Variants in ZRANB3 observed in about 807,000 individuals in gnomAD.
ZRANB3 encodes DNA annealing helicase and endonuclease ZRANB3.
Under a neutral mutation model 133.8 loss-of-function variants are expected in ZRANB3, and 125 were observed. The ratio of observed to expected loss-of-function variants is 0.93; its 90% CI spans 0.81 to 1.08. ZRANB3 has a LOEUF of 1.08. Among genes scored for constraint, ZRANB3 ranks in the 50% least tolerant of loss-of-function variants. The pLI is 0.00. For synonymous variants in ZRANB3, 387 were observed against 432.7 expected (o/e 0.89, Z 1.31); for missense variants, 1,229 against 1,275.5 (o/e 0.96, Z 0.56).
intron 3 of ZRANB3, among the ~76,000 whole-genome samples, chr2:135,382,783 C>A (rs1185405808): frequency 6.6e-6 from 1 of 152,054 alleles, no homozygotes; most frequent in Non-Finnish European, 1.5e-5. Flanking sequence ...TACAGACAAG[C>A]AAATGCTGAG....
chr2:135,258,425 G>T (rs189550100), intron 12 of ZRANB3, among the ~76,000 whole-genome samples: 34 of 152,262 alleles, frequency 2.2e-4, no homozygotes, highest in Non-Finnish European at 4.6e-4. Flanking sequence ...GTTCCTGGGT[G>T]GTAAAAGGGG....
At chr2:135,278,236 GA>G (rs1405659336) in intron 8 of ZRANB3, among the ~76,000 whole-genome samples, 1 of 152,076 alleles carries the variant, frequency 6.6e-6, no homozygotes, top group Admixed American at 6.5e-5. Flanking sequence ...GAAAAGCGAA[GA>G]AAAGATTTCA....
At chr2:135,414,097 A>C (rs1297732854) in intron 2 of ZRANB3, among the ~76,000 whole-genome samples, 1 of 152,160 alleles carries the variant, frequency 6.6e-6, no homozygotes, top group East Asian at 1.9e-4. Flanking sequence ...AAATTCACAC[A>C]TAACAATATT....
At chr2:135,250,765 A>G (rs72982318) in intron 12 of ZRANB3, among the ~76,000 whole-genome samples, 6,775 of 152,256 alleles carry the variant, frequency 0.044, 509 homozygotes, top group African/African-American at 0.16. Flanking sequence ...ATTTCAGGAG[A>G]TGTATGGAAA....
At chr2:135,442,731 A>G (rs1322557407) in intron 2 of ZRANB3, among the ~76,000 whole-genome samples, 3 of 152,212 alleles carry the variant, frequency 2.0e-5, no homozygotes, top group Non-Finnish European at 2.9e-5. Context: ...CTACTACTAT[A>G]AAGACACACG....
In ZRANB3 at chr2:135,219,110, T is replaced by C; in HGVS notation, c.2319A>G (p.Pro773=). 2 of 1,530,606 alleles carry C rather than the reference T, an allele frequency of 1.3e-6. No individual in the cohort carries two copies. The highest frequency in any genetic ancestry group is 1.7e-6 in the Non-Finnish European group (2 of 1,144,170). The allele number at this position is 1,530,606 out of a possible 1,614,324, so 94.8% of individuals were successfully genotyped here. Residue 773 remains proline (P), a synonymous_variant, in exon 16 of 21, where the codon CCA becomes CCG. Transcript: ENST00000264159. ...GATATTGTTTCAGCTGAAAGCTTGC[T>C]GGTAAATCTTCCCAAAGGTCTAATT... is the stretch of plus-strand genomic sequence containing the variant. ...DIKLDLWEDL[P]ASFQLKQYRS... is the part of the protein sequence containing the mutation.
At chr2:135,461,437 G>A (rs1690758878) in intron 2 of ZRANB3, among the ~76,000 whole-genome samples, 1 of 152,158 alleles carries the variant, frequency 6.6e-6, no homozygotes, top group African/African-American at 2.4e-5. Flanking sequence ...CGGTCTTGGC[G>A]ATGCATGCCT....
At chr2:135,383,370 G>C (rs1686813905) in intron 3 of ZRANB3, among the ~76,000 whole-genome samples, 1 of 152,092 alleles carries the variant, frequency 6.6e-6, no homozygotes, top group Non-Finnish European at 1.5e-5. Flanking sequence ...TGTAAAATGA[G>C]ACTTAGACTC....
At chr2:135,388,501 G>T (rs2104922644) in intron 3 of ZRANB3, among the ~76,000 whole-genome samples, 1 of 152,286 alleles carries the variant, frequency 6.6e-6, no homozygotes, top group Admixed American at 6.5e-5. Flanking sequence ...CTTACTTGTG[G>T]AAATCATAAA....
intron 1 of ZRANB3, chr2:135,530,645 T>A (rs1269859783): frequency 6.6e-6 from 1 of 152,158 alleles, no homozygotes; most frequent in Non-Finnish European, 1.5e-5. Context: ...TACGTACTAA[T>A]AATTTAAAAC....
chr2:135,518,777 T>C (rs935462065), intron 1 of ZRANB3, among the ~76,000 whole-genome samples: 2 of 152,192 alleles, frequency 1.3e-5, no homozygotes, highest in South Asian at 2.1e-4. Context: ...CATGTGGCTA[T>C]AGATGTCATA....
intron 2 of ZRANB3, among the ~76,000 whole-genome samples, chr2:135,396,900 A>G (rs1687517560): frequency 1.3e-5 from 2 of 152,136 alleles, no homozygotes; most frequent in Admixed American, 1.3e-4. Flanking sequence ...AAAATAGCTC[A>G]TGTACCCCAT....
chr2:135,415,890 T>C (rs960237800), intron 2 of ZRANB3, among the ~76,000 whole-genome samples: 13 of 151,990 alleles, frequency 8.6e-5, no homozygotes, highest in Non-Finnish European at 1.8e-4. Flanking sequence ...AGAAAAGGCC[T>C]TTGACAAAAT....
intron 17 of ZRANB3, among the ~76,000 whole-genome samples, chr2:135,210,057 AG>A: frequency 6.6e-6 from 1 of 152,188 alleles, no homozygotes; most frequent in African/African-American, 2.4e-5. Context: ...CCTCCCCAAA[AG>A]TTACCTCTGT....
intron 6 of ZRANB3, among the ~76,000 whole-genome samples, chr2:135,321,714 A>C (rs1387560850): frequency 6.6e-6 from 1 of 152,104 alleles, no homozygotes; most frequent in African/African-American, 2.4e-5. Flanking sequence ...TCCTGACCTC[A>C]GGTGATCTGC....
chr2:135,415,553 T>A (rs1688527935), intron 2 of ZRANB3, among the ~76,000 whole-genome samples: 1 of 152,192 alleles, frequency 6.6e-6, no homozygotes. Context: ...TACCATGCCT[T>A]CTGAAACTAT....
intron 2 of ZRANB3, among the ~76,000 whole-genome samples, chr2:135,416,559 A>T (rs1688582453): frequency 6.6e-6 from 1 of 151,934 alleles, no homozygotes; most frequent in African/African-American, 2.4e-5. Context: ...ATTCAATGCC[A>T]TCCCCATCAA....
At chr2:135,374,652 C>T (rs1686339739) in intron 3 of ZRANB3, among the ~76,000 whole-genome samples, 1 of 151,932 alleles carries the variant, frequency 6.6e-6, no homozygotes, top group Non-Finnish European at 1.5e-5. Flanking sequence ...GAGGCACCTC[C>T]CACCACACCT....
chr2:135,374,891 A>T (rs959942312), intron 3 of ZRANB3, among the ~76,000 whole-genome samples: 2 of 152,248 alleles, frequency 1.3e-5, no homozygotes, highest in African/African-American at 4.8e-5. Context: ...AAACATGGGT[A>T]TAAGATCTGA....
Sources: allele counts gnomAD v4.1 joint callset (sites outside exome capture counted in the v4.1 genomes callset), GRCh38; gene constraint gnomAD v4.1.1; transcripts MANE v1.5; gene names NCBI Gene and HGNC (gene_info 2026-07-23, HGNC 2026-07-21).